ANKRD31: variants seen among roughly 807,000 people sequenced by gnomAD.
ANKRD31 encodes ankyrin repeat domain 31.
Under a neutral mutation model 186.0 loss-of-function variants are expected in ANKRD31, and 147 were observed. That is an observed-to-expected ratio of 0.79 (90% CI 0.69 to 0.91). The LOEUF (loss-of-function observed/expected upper bound fraction) is 0.91, where lower values mean the gene tolerates loss of function less well. Among genes scored for constraint, ANKRD31 ranks in the 40% least tolerant of loss-of-function variants. The pLI is 0.00. For synonymous variants in ANKRD31, 673 were observed against 736.4 expected (o/e 0.91, Z 1.39); for missense variants, 1,986 against 2,148.8 (o/e 0.92, Z 1.50).
chr5:75,233,086 G>A (rs1035009241), intron 1 of ANKRD31, among the ~76,000 whole-genome samples: 1 of 150,316 alleles, frequency 6.7e-6, no homozygotes, highest in African/African-American at 2.4e-5. Flanking sequence ...TTTTGAGATG[G>A]GAGTCTTGCT....
chr5:75,207,394 AT>A (rs1238470444), intron 4 of ANKRD31, among the ~76,000 whole-genome samples: 1 of 152,132 alleles, frequency 6.6e-6, no homozygotes. Context: ...GTTTAACAGA[AT>A]TTTTTCCCTT....
In ANKRD31 at chr5:75,206,495, A is replaced by T. The variant is rs761020342; in HGVS notation, c.327-8T>A. The stretch of plus-strand genomic sequence containing the variant: ...GAACAGTTTTTTCTAGTCCTAAAAA[A>T]TCAATTAATAAAAATAAATTTTAAA... On this transcript the variant is annotated splice_region_variant and splice_polypyrimidine_tract_variant and intron_variant, in intron 4 of 25. Coordinates refer to ENST00000506364, the MANE Select transcript of ANKRD31 (RefSeq NM_001372053.1). The T allele has an allele frequency of 2.2e-5, 31 of 1,394,680 alleles. No individual in the cohort carries two copies. The highest frequency in any genetic ancestry group is 3.0e-5 in the Admixed American group (1 of 32,944). The allele number at this position is 1,394,680 out of a possible 1,614,324, so 86.4% of individuals were successfully genotyped here.
chr5:75,193,882 G>A (rs2150247030), intron 7 of ANKRD31, among the ~76,000 whole-genome samples: 1 of 152,182 alleles, frequency 6.6e-6, no homozygotes, highest in South Asian at 2.1e-4. Flanking sequence ...TTTTAATTTT[G>A]CAAGAAATTT....
At chr5:75,169,275 T>G (rs992394748) in intron 10 of ANKRD31, 154 bp from the exon 11 acceptor site, 18 of 868,306 alleles carry the variant, frequency 2.1e-5, no homozygotes, top group Middle Eastern at 2.7e-4. Context: ...CACACTGTAT[T>G]ATTTGGTAGG....
chr5:75,205,393 GCCCCAGACATCCTTGAAAGCAT>G, intron 5 of ANKRD31, among the ~76,000 whole-genome samples: 1 of 152,164 alleles, frequency 6.6e-6, no homozygotes, highest in South Asian at 2.1e-4. Flanking sequence ...TCCAGCACTG[GCCCCAGACATCCTTGAAAGCAT>G]CCTTGCTTTT....
intron 3 of ANKRD31, among the ~76,000 whole-genome samples, chr5:75,219,962 T>C (rs962183129): frequency 6.6e-6 from 1 of 152,236 alleles, no homozygotes; most frequent in Non-Finnish European, 1.5e-5. Context: ...ACTGGACCCC[T>C]TTCTTATACC....
chr5:75,126,710 C>T (rs1385183070), intron 17 of ANKRD31, among the ~76,000 whole-genome samples: 1 of 152,052 alleles, frequency 6.6e-6, no homozygotes, highest in Admixed American at 6.6e-5. Flanking sequence ...GATAGAAAAT[C>T]TATTTAATGA....
Position 75,188,535 on chromosome 5 carries a change from A to G in ANKRD31, c.1522T>C (p.Cys508Arg). 6.5e-7 allele frequency: 1 copy of G among 1,535,712 alleles called. No homozygotes were observed. The highest frequency in any genetic ancestry group is 8.7e-7 in the Non-Finnish European group (1 of 1,146,392). ...LHDDADLVHH[C>R]IKKGGNVNQP... ...TTAACATTTCCACCTTTTTTTATAC[A>G]ATGATGAACAAGATCAGCATCATCG... Residue 508 changes from cysteine to arginine, a missense_variant, in exon 10 of 26, where the codon TGT (cysteine) becomes CGT (arginine). By Grantham distance (180) the Cys-to-Arg change is radical (BLOSUM62 -3). Transcript: ENST00000506364.
At chr5:75,074,756 C>A (rs1561392525) in intron 25 of ANKRD31, among the ~76,000 whole-genome samples, 1 of 152,066 alleles carries the variant, frequency 6.6e-6, no homozygotes, top group Non-Finnish European at 1.5e-5. Flanking sequence ...GGTAAAGATA[C>A]AGCAAACTGA....
intron 1 of ANKRD31, among the ~76,000 whole-genome samples, chr5:75,234,135 G>T (rs896194223): frequency 6.0e-5 from 9 of 149,154 alleles, no homozygotes; most frequent in African/African-American, 2.3e-4. Context: ...CATTGCAAAT[G>T]TTTAAAAATA....
At chr5:75,157,982 G>A (rs1580451125) in intron 11 of ANKRD31, among the ~76,000 whole-genome samples, 1 of 152,258 alleles carries the variant, frequency 6.6e-6, no homozygotes, top group African/African-American at 2.4e-5. Flanking sequence ...TGATATAATA[G>A]AGGCAGACTA....
intron 25 of ANKRD31, among the ~76,000 whole-genome samples, chr5:75,076,400 A>C (rs968692265): frequency 6.6e-6 from 1 of 152,148 alleles, no homozygotes; most frequent in Admixed American, 6.5e-5. Context: ...AAAGCACTTT[A>C]CTTCCGGTTA....
chr5:75,217,244 T>A (rs896312294), intron 3 of ANKRD31, among the ~76,000 whole-genome samples: 1 of 152,200 alleles, frequency 6.6e-6, no homozygotes, highest in African/African-American at 2.4e-5. Flanking sequence ...TAGGTCCATT[T>A]GGTCAAGTGT....
chr5:75,135,103 G>A (rs1750454414), intron 17 of ANKRD31, among the ~76,000 whole-genome samples: 1 of 152,098 alleles, frequency 6.6e-6, no homozygotes. Context: ...TTGAAAACTG[G>A]CACAAGACAG....
intron 10 of ANKRD31, among the ~76,000 whole-genome samples, chr5:75,176,323 C>A (rs1025378218): frequency 5.9e-5 from 9 of 152,204 alleles, no homozygotes; most frequent in East Asian, 1.9e-4. Context: ...CACAGACAAA[C>A]AAAAGACAGC....
intron 25 of ANKRD31, among the ~76,000 whole-genome samples, chr5:75,074,822 T>C (rs960118652): frequency 3.3e-5 from 5 of 152,246 alleles, no homozygotes; most frequent in African/African-American, 1.2e-4. Flanking sequence ...TATTTTATTA[T>C]ATAAGAGCAT....
At chr5:75,130,644 C>G (rs916210027) in intron 17 of ANKRD31, among the ~76,000 whole-genome samples, 1 of 152,148 alleles carries the variant, frequency 6.6e-6, no homozygotes, top group East Asian at 1.9e-4. Context: ...TATCTAGACA[C>G]AGAGTGCTGA....
chr5:75,221,709 C>T (rs1757314216), intron 3 of ANKRD31, among the ~76,000 whole-genome samples: 1 of 152,040 alleles, frequency 6.6e-6, no homozygotes, highest in Non-Finnish European at 1.5e-5. Flanking sequence ...AAAACCAACC[C>T]CTCCTCTTTC....
At chr5:75,113,784 T>C (rs1747972765) in intron 19 of ANKRD31, among the ~76,000 whole-genome samples, 1 of 152,086 alleles carries the variant, frequency 6.6e-6, no homozygotes, top group African/African-American at 2.4e-5. Flanking sequence ...AATTATAAAA[T>C]ACAAATATAA....
Sources: allele counts gnomAD v4.1 joint callset (sites outside exome capture counted in the v4.1 genomes callset), GRCh38; gene constraint gnomAD v4.1.1; transcripts MANE v1.5; gene names NCBI Gene and HGNC (gene_info 2026-07-23, HGNC 2026-07-21).